Variants in RALGPS2 observed in about 807,000 individuals in gnomAD.
The protein encoded by RALGPS2 is Ral GEF with PH domain and SH3 binding motif 2, also known as ras-specific guanine nucleotide-releasing factor RalGPS2.
RALGPS2 carries 43 observed loss-of-function variants against 86.8 expected under a neutral mutation model. The ratio of observed to expected loss-of-function variants is 0.50; its 90% confidence interval spans 0.39 to 0.64. The LOEUF (loss-of-function observed/expected upper bound fraction) is 0.64. Ranked by LOEUF, RALGPS2 falls within the 30% of genes least tolerant of loss-of-function variation. The pLI, the probability that RALGPS2 is intolerant of heterozygous loss-of-function variation, is 0.00. For missense variants in RALGPS2, 536 were observed against 694.6 expected (o/e 0.77, Z 2.57); for synonymous variants, 243 against 231.3 (o/e 1.05, Z -0.46).
chr1:178,853,263 A>G, intron 8 of RALGPS2: 2 of 960,058 alleles, frequency 2.1e-6, no homozygotes, highest in South Asian at 9.6e-5. Context: ...TATACTACCC[A>G]GATCCTTAAA....
At chr1:178,863,807 AG>A (rs1325229806) in intron 8 of RALGPS2, among the ~76,000 whole-genome samples, 1 of 152,250 alleles carries the variant, frequency 6.6e-6, no homozygotes, top group Non-Finnish European at 1.5e-5. Context: ...ATTAAAATGT[AG>A]AAGGCCAGGA....
chr1:178,821,771 C>G, intron 7 of RALGPS2, 67 bp downstream of exon 7: 1 of 1,168,098 alleles, frequency 8.6e-7, no homozygotes, highest in Non-Finnish European at 1.3e-6. Context: ...TATTCATTTC[C>G]TTTGTAATTC....
intron 8 of RALGPS2, among the ~76,000 whole-genome samples, chr1:178,846,335 A>T (rs1488796237): frequency 2.0e-5 from 3 of 152,110 alleles, no homozygotes; most frequent in African/African-American, 7.2e-5. Flanking sequence ...AATATACATT[A>T]TGGATTACCT....
intron 10 of RALGPS2, among the ~76,000 whole-genome samples, chr1:178,880,586 T>A (rs1659203660): frequency 6.6e-6 from 1 of 152,166 alleles, no homozygotes; most frequent in African/African-American, 2.4e-5. Context: ...TTTTCCCTTC[T>A]CTCTAATTAC....
intron 8 of RALGPS2, among the ~76,000 whole-genome samples, chr1:178,856,202 G>GAGAGATATATATATATATATATAA (rs1428022812): frequency 1.2e-5 from 1 of 83,912 alleles, no homozygotes; most frequent in African/African-American, 6.4e-5. Context: ...GAGAGAGAGA[G>GAGAGATATATATATATATATATAA]ATATATATAT....
At chr1:178,900,353 A>G (rs190222267) in intron 17 of RALGPS2, among the ~76,000 whole-genome samples, 2 of 151,984 alleles carry the variant, frequency 1.3e-5, no homozygotes, top group African/African-American at 4.8e-5. Context: ...CTATTTAAAA[A>G]TGCAAATTAA....
rs575081127 is a variant in RALGPS2, at chr1:178,731,959, A to G, written c.-84+6540A>G. Among the ~76,000 whole-genome samples the G allele has an allele frequency of 2.6e-5, 4 of 152,252 alleles. No homozygotes were observed. The South Asian group carries it at 8.3e-4, about 32-fold the overall frequency. On this transcript the variant is annotated intron_variant, in intron 1 of 19. Coordinates refer to ENST00000367635, the MANE Select transcript of RALGPS2 (RefSeq NM_152663.5). ...GTGGTTTGCTGACACCTGATCTTATACAAGCAGAAGGATTAGCCTTTGCTT... is the reference window on the plus strand; with the variant it reads ...GTGGTTTGCTGACACCTGATCTTATGCAAGCAGAAGGATTAGCCTTTGCTT...
chr1:178,798,185 G>A (rs933767713), intron 4 of RALGPS2, among the ~76,000 whole-genome samples: 16 of 151,976 alleles, frequency 1.1e-4, no homozygotes, highest in East Asian at 3.9e-4. Flanking sequence ...TGCCATATGC[G>A]GTCAAGAGAA....
At chr1:178,910,459 T>A (rs895229554) in intron 19 of RALGPS2, among the ~76,000 whole-genome samples, 3 of 152,250 alleles carry the variant, frequency 2.0e-5, no homozygotes, top group African/African-American at 7.2e-5. Flanking sequence ...TGTTGAGGGC[T>A]TTTAACATGA....
chr1:178,894,230 A>G, intron 16 of RALGPS2: 1 of 383,274 alleles, frequency 2.6e-6, no homozygotes, highest in Non-Finnish European at 4.7e-6. Flanking sequence ...ACCAAACCAA[A>G]TTACCATCAT....
rs965728955 is a variant in RALGPS2 at position 178,897,742 on chromosome 1, A to G, written c.1510A>G (p.Thr504Ala). The G allele has an allele frequency of 2.5e-6, 4 of 1,610,878 alleles. No individual in the cohort carries two copies. The highest frequency in any genetic ancestry group is 1.1e-5 in the South Asian group (1 of 90,992). The change falls in exon 17 of 20, where the codon ACC becomes GCC. Residue 504 changes from threonine (T) to alanine (A), a missense_variant. Coordinates refer to ENST00000367635, the MANE Select transcript of RALGPS2 (RefSeq NM_152663.5). ...FYYAAKSLKATERKHFKSTSN... is the reference protein window; with the variant it reads ...FYYAAKSLKAAERKHFKSTSN... ...CTATGCTGCCAAATCTCTAAAGGCT[A>G]CCGAAAGAAAACATGTAAGTATTTG... is the stretch of plus-strand genomic sequence containing the variant.
intron 8 of RALGPS2, among the ~76,000 whole-genome samples, chr1:178,870,223 TA>T (rs1658666021): frequency 1.3e-5 from 2 of 152,172 alleles, no homozygotes; most frequent in African/African-American, 4.8e-5. Flanking sequence ...GGTTATACTG[TA>T]ATTGAGATTT....
intron 7 of RALGPS2, among the ~76,000 whole-genome samples, chr1:178,831,445 C>T (rs182285152): frequency 6.6e-6 from 1 of 152,144 alleles, no homozygotes; most frequent in East Asian, 1.9e-4. Flanking sequence ...TCTAGGTTTT[C>T]CCCCAAAACA....
Position 178,920,398 on chromosome 1 carries a change from T to C in RALGPS2, c.*4039T>C, listed in dbSNP as rs1468057106. On this transcript the variant is annotated 3_prime_UTR_variant, in exon 20 of 20. Transcript: ENST00000367635. Reference sequence around the variant, plus strand: ...TGCCTTATTATTTGAAGAGCAATTTTAGGGCATCAAGTATGACAATAATCA... The same window carrying C: ...TGCCTTATTATTTGAAGAGCAATTTCAGGGCATCAAGTATGACAATAATCA... 6.6e-6 allele frequency: 1 copy of C among 152,038 alleles called. No homozygotes were observed. The highest frequency in any genetic ancestry group is 1.5e-5 in the Non-Finnish European group (1 of 67,906). The allele number at this position is 152,038 out of a possible 1,614,324, so 9.4% of individuals were successfully genotyped here.
chr1:178,900,059 A>G (rs893447209), intron 17 of RALGPS2, among the ~76,000 whole-genome samples: 2 of 151,924 alleles, frequency 1.3e-5, no homozygotes, highest in African/African-American at 2.4e-5. Context: ...GATGTCTGCA[A>G]TTTGCATTTG....
chr1:178,826,102 G>GGTTTT lies in RALGPS2; in HGVS notation c.480+4414_480+4418dup, dbSNP rs376934008. Among the ~76,000 whole-genome samples the GGTTTT allele has an allele frequency of 2.1e-3, 324 of 152,208 alleles. 2 individuals are homozygous for GGTTTT. The highest frequency in any genetic ancestry group is 0.01 in the Middle Eastern group (3 of 294). ...GGATACAGTTGGAAAGGTTTGGGAT[G>GGTTTT]GTTTTGTTTTGTTTTGTTTTAACCG... is the stretch of plus-strand genomic sequence containing the variant. On this transcript the variant is annotated intron_variant, in intron 7 of 19. Transcript: ENST00000367635.
At chr1:178,854,790 A>T (rs1276577223) in intron 8 of RALGPS2, among the ~76,000 whole-genome samples, 1 of 152,120 alleles carries the variant, frequency 6.6e-6, no homozygotes, top group East Asian at 1.9e-4. Flanking sequence ...AATTTTAGGT[A>T]TTCTCCATTT....
chr1:178,785,154 G>A (rs1039046781), intron 3 of RALGPS2, among the ~76,000 whole-genome samples: 1 of 151,810 alleles, frequency 6.6e-6, no homozygotes, highest in Non-Finnish European at 1.5e-5. Flanking sequence ...CTTTAGTGTA[G>A]TTTCATTATT....
At chr1:178,800,013 A>G (rs114334886) in intron 4 of RALGPS2, among the ~76,000 whole-genome samples, 3,230 of 152,326 alleles carry the variant, frequency 0.021, 40 homozygotes, top group Middle Eastern at 0.041. Flanking sequence ...TTAGGGAGCT[A>G]AGAGTTTCAA....
Sources: allele counts gnomAD v4.1 joint callset (sites outside exome capture counted in the v4.1 genomes callset), GRCh38; gene constraint gnomAD v4.1.1; transcripts MANE v1.5; gene names NCBI Gene and HGNC (gene_info 2026-07-23, HGNC 2026-07-21).